RBFOX1: variants seen among roughly 807,000 people sequenced by gnomAD.
RBFOX1 encodes RNA binding protein fox-1 homolog 1.
Under a neutral mutation model 57.7 loss-of-function variants are expected in RBFOX1, and 8 were observed. The observed-to-expected ratio is 0.14, with a 90% CI of 0.08 to 0.25. The LOEUF (loss-of-function observed/expected upper bound fraction) is 0.25, where lower values mean the gene tolerates loss of function less well. Among genes scored for constraint, RBFOX1 ranks in the 10% least tolerant of loss-of-function variants. The pLI is 1.00. For missense variants in RBFOX1, 611 were observed against 548.5 expected (o/e 1.11, Z -1.14); for synonymous variants, 326 against 222.4 (o/e 1.47, Z -4.15).
At chr16:5,377,346 C>T (rs1274157276) in intron 1 of RBFOX1, among the ~76,000 whole-genome samples, 1 of 151,198 alleles carries the variant, frequency 6.6e-6, no homozygotes, top group African/African-American at 2.5e-5. Context: ...CAAGAAAGCC[C>T]CCTTGAGATG....
intron 3 of RBFOX1, among the ~76,000 whole-genome samples, chr16:6,684,392 T>A (rs961287617): frequency 2.0e-5 from 3 of 152,210 alleles, no homozygotes; most frequent in Non-Finnish European, 4.4e-5. Context: ...GGGCAGATGT[T>A]TTCATCTTTT....
chr16:5,950,647 T>C (rs1221750337), intron 4 of RBFOX1, among the ~76,000 whole-genome samples: 2 of 152,216 alleles, frequency 1.3e-5, no homozygotes, highest in African/African-American at 4.8e-5. Context: ...TTTCGGTTAT[T>C]ATTTTGCACT....
intron 4 of RBFOX1, among the ~76,000 whole-genome samples, chr16:5,961,439 T>C (rs1315550414): frequency 3.9e-5 from 6 of 152,104 alleles, no homozygotes; most frequent in Non-Finnish European, 7.4e-5. Flanking sequence ...CACACTATAT[T>C]TGTTTGGCTT....
At chr16:5,407,697 C>T (rs373473516) in intron 1 of RBFOX1, among the ~76,000 whole-genome samples, 8 of 152,158 alleles carry the variant, frequency 5.3e-5, no homozygotes, top group African/African-American at 1.2e-4. Context: ...TACAGGGACC[C>T]ACCACCACGC....
chr16:7,518,039 C>T (rs2076749418), intron 4 of RBFOX1, 108 bp from the exon 5 acceptor site: 14 of 1,389,660 alleles, frequency 1.0e-5, no homozygotes, highest in Non-Finnish European at 1.4e-5. Flanking sequence ...CCATGGTGAC[C>T]CCTAGAAAGT....
At chr16:6,431,369 C>T (rs1269886713) in intron 2 of RBFOX1, among the ~76,000 whole-genome samples, 4 of 151,936 alleles carry the variant, frequency 2.6e-5, no homozygotes, top group African/African-American at 9.7e-5. Flanking sequence ...AAAGAAAAGT[C>T]TTTCCACAAG....
At chr16:7,312,093 G>C (rs1044716636) in intron 4 of RBFOX1, among the ~76,000 whole-genome samples, 8 of 152,124 alleles carry the variant, frequency 5.3e-5, no homozygotes, top group Non-Finnish European at 1.2e-4. Context: ...AAGAAATGAA[G>C]GAAGGGCCGG....
At chr16:6,944,972 T>C (rs906350346) in intron 3 of RBFOX1, among the ~76,000 whole-genome samples, 19 of 152,282 alleles carry the variant, frequency 1.2e-4, no homozygotes, top group South Asian at 4.2e-4. Context: ...TGGAGTACTC[T>C]TTGCTCCTCC....
rs1034940898 is a variant in RBFOX1 at position 5,241,379 on chromosome 16, G to A, written c.219+1274G>A. ...AGGATGAGACACAATTACGGTGGCA[G>A]TGTAACGCCAGGAAACTTTATTGCG... On this transcript the variant is annotated intron_variant, in intron 1 of 2. Transcript: ENST00000585867. 2.0e-5 allele frequency among the ~76,000 whole-genome samples: 3 copies of A among 150,266 alleles called. 1 individual carries two copies. The South Asian group carries it at 6.2e-4, about 31-fold the overall frequency.
chr16:6,478,421 ATATATATATTTTTT>A (rs1257291921), intron 2 of RBFOX1, among the ~76,000 whole-genome samples: 26 of 12,436 alleles, frequency 2.1e-3, no homozygotes, highest in East Asian at 5.7e-3. Flanking sequence ...ATATATATAT[ATATATATATTTTTT>A]TTTTTTTTTT....
At chr16:7,378,589 G>A (rs2097728188) in intron 4 of RBFOX1, among the ~76,000 whole-genome samples, 1 of 152,230 alleles carries the variant, frequency 6.6e-6, no homozygotes, top group South Asian at 2.1e-4. Context: ...GGACATGGTG[G>A]TGGGAGAAGC....
At chr16:6,992,349 C>G (rs2091622758) in intron 3 of RBFOX1, among the ~76,000 whole-genome samples, 1 of 152,036 alleles carries the variant, frequency 6.6e-6, no homozygotes, top group Non-Finnish European at 1.5e-5. Context: ...TTCCCAGTAG[C>G]TGGGACTACA....
intron 3 of RBFOX1, among the ~76,000 whole-genome samples, chr16:5,665,828 G>C (rs2049825577): frequency 6.6e-6 from 1 of 152,218 alleles, no homozygotes; most frequent in Admixed American, 6.5e-5. Flanking sequence ...TGCTGAGTGG[G>C]AGCAGAGCCA....
At chr16:5,859,115 G>C (rs1323989570) in intron 3 of RBFOX1, among the ~76,000 whole-genome samples, 4 of 152,188 alleles carry the variant, frequency 2.6e-5, no homozygotes, top group Non-Finnish European at 5.9e-5. Flanking sequence ...TGAGGCATAA[G>C]AATTGCTTGA....
intron 3 of RBFOX1, among the ~76,000 whole-genome samples, chr16:6,992,407 G>T (rs1457379400): frequency 6.6e-6 from 1 of 151,942 alleles, no homozygotes; most frequent in African/African-American, 2.4e-5. Flanking sequence ...TAGTAGAGAC[G>T]GGGTTTCACC....
rs560143086 is a variant in RBFOX1, at chr16:6,884,866, C to T, written c.-15-167191C>T. On this transcript the variant is annotated intron_variant, in intron 3 of 15. Coordinates refer to ENST00000550418, the MANE Select transcript of RBFOX1 (RefSeq NM_018723.4). ...TCAGCCCAGAGTGCTCCACTGCACTCCAGCCTGCATGGCAGAGCAAGGCTC... is the reference window on the plus strand; with the variant it reads ...TCAGCCCAGAGTGCTCCACTGCACTTCAGCCTGCATGGCAGAGCAAGGCTC... Among the ~76,000 whole-genome samples, 4 of 152,310 alleles carry T rather than the reference C, an allele frequency of 2.6e-5. No homozygotes were observed. In the East Asian group the frequency reaches 7.7e-4, roughly 29 times the overall value.
chr16:6,553,236 G>T (rs765226031), intron 2 of RBFOX1, among the ~76,000 whole-genome samples: 4 of 152,130 alleles, frequency 2.6e-5, no homozygotes, highest in African/African-American at 4.8e-5. Context: ...AGGCAAGAAG[G>T]GTCATCACTA....
chr16:6,528,703 C>T (rs1203912213), intron 2 of RBFOX1, among the ~76,000 whole-genome samples: 1 of 152,122 alleles, frequency 6.6e-6, no homozygotes, highest in Non-Finnish European at 1.5e-5. Context: ...CTCAACCACT[C>T]CAGTATTGAT....
chr16:7,301,862 T>C (rs763651375), intron 4 of RBFOX1, among the ~76,000 whole-genome samples: 3 of 152,188 alleles, frequency 2.0e-5, no homozygotes, highest in Non-Finnish European at 4.4e-5. Context: ...TGGCCTTTTA[T>C]TCCATTCGTG....
Sources: gnomAD v4.1 joint callset for allele counts (sites outside exome capture counted in the v4.1 genomes callset) on GRCh38, gnomAD v4.1.1 for gene constraint, MANE v1.5 for transcripts, NCBI Gene and HGNC (gene_info 2026-07-23, HGNC 2026-07-21) for gene names.